Variants in PTPRM observed in about 807,000 individuals in gnomAD.
The protein encoded by PTPRM is receptor-type tyrosine-protein phosphatase mu.
A neutral mutation model predicts 186.7 loss-of-function variants in PTPRM; 47 were observed. That is an observed-to-expected ratio of 0.25 (90% confidence interval 0.20 to 0.32). The LOEUF is 0.32. Among genes scored for constraint, PTPRM ranks in the 10% least tolerant of loss-of-function variants. PTPRM has a pLI of 1.00. For missense variants in PTPRM, 1,494 were observed against 1,865.0 expected (o/e 0.80, Z 3.66); for synonymous variants, 668 against 674.9 (o/e 0.99, Z 0.16).
At chr18:7,875,820 T>C (rs1033881535) in intron 2 of PTPRM, among the ~76,000 whole-genome samples, 4 of 152,186 alleles carry the variant, frequency 2.6e-5, no homozygotes, top group African/African-American at 9.6e-5. Flanking sequence ...TTCTGAGAAA[T>C]GTATCGTCAG....
chr18:7,849,730 T>C (rs927543319), intron 2 of PTPRM, among the ~76,000 whole-genome samples: 1 of 152,212 alleles, frequency 6.6e-6, no homozygotes, highest in Non-Finnish European at 1.5e-5. Context: ...CCAGTTGTGC[T>C]GCAGAAATTA....
At chr18:8,154,503 C>T (rs1399209918) in intron 14 of PTPRM, 1 of 152,220 alleles carries the variant, frequency 6.6e-6, no homozygotes, top group African/African-American at 2.4e-5. Context: ...ATCGTCTGTA[C>T]TTGTCACATG....
In PTPRM at chr18:7,941,588, C is replaced by T. The variant is rs372556377; in HGVS notation, c.664-7593C>T. On this transcript the variant is annotated intron_variant, in intron 5 of 32. Transcript: ENST00000580170. ...TAATTTATGTGCTCATATATTGTCA[C>T]CTGTTCATTTGAGAAGCACATCTAT... 4.6e-5 allele frequency among the ~76,000 whole-genome samples: 7 copies of T among 152,312 alleles called. No homozygotes were observed. The South Asian group carries it at 1.5e-3, about 32-fold the overall frequency.
At chr18:8,121,591 G>A (rs762421130) in intron 13 of PTPRM, among the ~76,000 whole-genome samples, 20 of 152,066 alleles carry the variant, frequency 1.3e-4, no homozygotes, top group Non-Finnish European at 2.6e-4. Context: ...TATAGCAAAG[G>A]CAATTCGTAG....
At chr18:7,687,777 GA>G (rs996140370) in intron 1 of PTPRM, among the ~76,000 whole-genome samples, 5 of 145,160 alleles carry the variant, frequency 3.4e-5, no homozygotes, top group Admixed American at 1.4e-4. Flanking sequence ...GGAGCTATAA[GA>G]TTTTTTTTTT....
At chr18:7,852,066 A>G (rs1195259019) in intron 2 of PTPRM, among the ~76,000 whole-genome samples, 1 of 152,224 alleles carries the variant, frequency 6.6e-6, no homozygotes, top group African/African-American at 2.4e-5. Context: ...TGGAAATTAT[A>G]ATAATAAAAA....
At chr18:7,903,715 G>A (rs140692735) in intron 3 of PTPRM, among the ~76,000 whole-genome samples, 9 of 152,076 alleles carry the variant, frequency 5.9e-5, no homozygotes, top group South Asian at 2.1e-4. Context: ...TTTCCTCTCC[G>A]CTGTGTTATA....
intron 1 of PTPRM, chr18:7,741,936 A>G (rs1010129741): frequency 6.6e-6 from 1 of 152,186 alleles, no homozygotes; most frequent in Non-Finnish European, 1.5e-5. Context: ...TCCATTTGTC[A>G]AGAGCTATTG....
intron 22 of PTPRM, among the ~76,000 whole-genome samples, chr18:8,333,567 G>A (rs1368235909): frequency 6.6e-6 from 1 of 152,206 alleles, no homozygotes; most frequent in Non-Finnish European, 1.5e-5. Context: ...TCTAAATGTT[G>A]AGTAACTGAC....
At position 7,991,938 on chromosome 18, in the gene PTPRM, C is replaced by T. The variant is rs1379778814; in HGVS notation, c.1132+36524C>T. ...TAACAAAGTATCTAGAGGTATTTAT[C>T]CAATATGATGTTTCTTGGGCATAGG... On this transcript the variant is annotated intron_variant, in intron 7 of 32. Coordinates refer to ENST00000580170, the MANE Select transcript of PTPRM (RefSeq NM_001105244.2). 2.0e-5 allele frequency among the ~76,000 whole-genome samples: 3 copies of T among 152,022 alleles called. No homozygotes were observed. The East Asian group carries it at 5.8e-4, about 29-fold the overall frequency.
chr18:8,200,397 A>G (rs147708710), intron 14 of PTPRM, among the ~76,000 whole-genome samples: 22 of 152,330 alleles, frequency 1.4e-4, no homozygotes, highest in Non-Finnish European at 2.9e-4. Flanking sequence ...AGGTGGGGCA[A>G]ATGACTGGCA....
chr18:7,863,394 C>G (rs956099765), intron 2 of PTPRM, among the ~76,000 whole-genome samples: 1 of 152,062 alleles, frequency 6.6e-6, no homozygotes, highest in African/African-American at 2.4e-5. Flanking sequence ...GTTCCCCTCC[C>G]TGTGTCCATG....
intron 22 of PTPRM, among the ~76,000 whole-genome samples, chr18:8,329,148 A>G (rs1195597530): frequency 6.6e-6 from 1 of 152,280 alleles, no homozygotes; most frequent in East Asian, 1.9e-4. Context: ...TGCTTTTTAA[A>G]CCTTCAAGAG....
chr18:8,384,449 C>A, intron 29 of PTPRM, 112 bp from the exon 30 acceptor site: 3 of 1,234,718 alleles, frequency 2.4e-6, no homozygotes, highest in Non-Finnish European at 2.3e-6. Context: ...CAGAGCAAGA[C>A]CCTATCTCTT....
intron 20 of PTPRM, among the ~76,000 whole-genome samples, chr18:8,308,643 T>C (rs1398427478): frequency 6.6e-6 from 1 of 152,214 alleles, no homozygotes; most frequent in East Asian, 1.9e-4. Context: ...ACAGCACAAT[T>C]AGGATTAGCC....
chr18:8,309,236 G>A (rs1193175993), intron 20 of PTPRM, among the ~76,000 whole-genome samples: 2 of 152,076 alleles, frequency 1.3e-5, no homozygotes, highest in Non-Finnish European at 2.9e-5. Context: ...CTAGCAAATT[G>A]TTTCCCAAAG....
At chr18:8,240,553 A>G (rs149569190) in intron 14 of PTPRM, among the ~76,000 whole-genome samples, 2,801 of 76,070 alleles carry the variant, frequency 0.037, 26 homozygotes, top group Non-Finnish European at 0.053. Flanking sequence ...AAGGAAGGAA[A>G]GAAGGAAAGA....
intron 1 of PTPRM, among the ~76,000 whole-genome samples, chr18:7,714,141 T>C (rs1436933028): frequency 1.3e-5 from 2 of 152,078 alleles, no homozygotes; most frequent in Admixed American, 6.6e-5. Flanking sequence ...CCTCAGCAAA[T>C]GCAAAAGAAC....
chr18:7,695,153 G>A (rs1341702185), intron 1 of PTPRM, among the ~76,000 whole-genome samples: 2 of 152,172 alleles, frequency 1.3e-5, no homozygotes, highest in African/African-American at 2.4e-5. Context: ...GTTTTCTAAC[G>A]TCTCCTGTAA....
Sources: gnomAD v4.1 joint callset for allele counts (sites outside exome capture counted in the v4.1 genomes callset) on GRCh38, gnomAD v4.1.1 for gene constraint, MANE v1.5 for transcripts, NCBI Gene and HGNC (gene_info 2026-07-23, HGNC 2026-07-21) for gene names.